The following OTOL1 variants were observed in gnomAD, a reference collection of about 807,000 sequenced individuals.
OTOL1 encodes otolin-1.
OTOL1 carries 31 observed loss-of-function variants against 25.0 expected under a neutral mutation model. That is an observed-to-expected ratio of 1.24 (90% CI 0.93 to 1.67). The LOEUF (loss-of-function observed/expected upper bound fraction) is 1.67. OTOL1 is among the 40% of genes most tolerant of loss of function. The pLI, the probability that OTOL1 is intolerant of heterozygous loss-of-function variation, is 0.00. For missense variants in OTOL1, 654 were observed against 587.7 expected (o/e 1.11, Z -1.17); for synonymous variants, 225 against 210.3 (o/e 1.07, Z -0.61).
chr3:161,498,102 T>C (rs1300837907), intron 1 of OTOL1, among the ~76,000 whole-genome samples: 1 of 152,172 alleles, frequency 6.6e-6, no homozygotes, highest in African/African-American at 2.4e-5. Context: ...GGTACCAAGA[T>C]GTCAGGATTG....
In OTOL1 at chr3:161,503,042, G is replaced by C. The variant is rs1182273144; in HGVS notation, c.534G>C (p.Lys178Asn). The change falls in exon 4 of 4, where the codon AAG becomes AAC. Residue 178 changes from lysine to asparagine, a missense_variant. Lys to Asn is a moderately conservative substitution (Grantham distance 94, BLOSUM62 0). Coordinates refer to ENST00000327928, the MANE Select transcript of OTOL1 (RefSeq NM_001080440.1). ...KPGAQGEPGP[K>N]GDKGNIGLGG... is the part of the protein sequence containing the mutation. ...CCATTTCAGGTGAACCTGGCCCTAA[G>C]GGAGATAAAGGAAACATTGGTTTGG... 4 of 1,355,362 alleles carry C rather than the reference G, an allele frequency of 3.0e-6. No individual in the cohort carries two copies. The highest frequency in any genetic ancestry group is 3.8e-6 in the Non-Finnish European group (4 of 1,048,832). 84.0% of individuals were successfully genotyped at this position (1,355,362 alleles called of 1,614,324 possible).
intron 3 of OTOL1, among the ~76,000 whole-genome samples, chr3:161,502,787 A>G (rs1002846661): frequency 1.5e-4 from 23 of 152,194 alleles, no homozygotes; most frequent in Non-Finnish European, 5.9e-5. Flanking sequence ...AGAATTAGAT[A>G]TATGGCATCT....
chr3:161,503,633 T>A lies in OTOL1; in HGVS notation c.1125T>A (p.Pro375=), dbSNP rs2108230573. The A allele has an allele frequency of 6.2e-7, 1 of 1,613,880 alleles. No individual in the cohort carries two copies. The highest frequency in any genetic ancestry group is 8.5e-7 in the Non-Finnish European group (1 of 1,179,840). The change falls in exon 4 of 4, where the codon CCT becomes CCA. Residue 375 remains proline (P), a synonymous_variant. Coordinates refer to ENST00000327928, the MANE Select transcript of OTOL1 (RefSeq NM_001080440.1). The stretch of plus-strand genomic sequence containing the variant: ...ATAATGACCAAGGGAATTACAGTCC[T>A]GTCACTGGGAAGTTTAACTGCTCTA... ...ILYNDQGNYS[P]VTGKFNCSIP...
At chr3:161,502,804 A>G (rs920811316) in intron 3 of OTOL1, among the ~76,000 whole-genome samples, 2 of 152,208 alleles carry the variant, frequency 1.3e-5, no homozygotes, top group African/African-American at 4.8e-5. Flanking sequence ...ATCTGAATAT[A>G]AGCCACTGTT....
chr3:161,503,195 G>A lies in OTOL1; in HGVS notation c.687G>A (p.Lys229=). Residue 229 remains lysine, a synonymous_variant, in exon 4 of 4, where the codon AAG becomes AAA. Transcript: ENST00000327928. ...LHGGPGAKGE[K]GEMGEKGEMG... ...GAGGGCCTGGCGCCAAGGGAGAGAA[G>A]GGGGAGATGGGGGAGAAGGGGGAGA... The A allele has an allele frequency of 6.9e-7, 1 of 1,455,172 alleles. No homozygotes were observed. 90.1% of individuals were successfully genotyped at this position (1,455,172 alleles called of 1,614,324 possible).
intron 2 of OTOL1, among the ~76,000 whole-genome samples, chr3:161,499,606 C>T (rs1404099343): frequency 6.6e-6 from 1 of 152,010 alleles, no homozygotes; most frequent in African/African-American, 2.4e-5. Flanking sequence ...CTCATGTTAG[C>T]CTACTTCCTT....
intron 2 of OTOL1, 150 bp downstream of exon 2, chr3:161,499,410 G>T (rs1718917421): frequency 1.5e-6 from 1 of 665,396 alleles, no homozygotes; most frequent in East Asian, 2.8e-5. Flanking sequence ...ATATAAATAT[G>T]TTAACTTTAT....
intron 2 of OTOL1, among the ~76,000 whole-genome samples, chr3:161,501,335 ATAT>A (rs1204148255): frequency 5.9e-5 from 9 of 152,280 alleles, no homozygotes; most frequent in Non-Finnish European, 1.3e-4. Flanking sequence ...TAAGAGTGAG[ATAT>A]TATTAATACC....
intron 2 of OTOL1, 42 bp downstream of exon 2, chr3:161,499,302 A>G (rs1718915320): frequency 6.8e-7 from 1 of 1,468,402 alleles, no homozygotes; most frequent in East Asian, 2.3e-5. Flanking sequence ...GACATTCTGC[A>G]TCATTTTTCA....
Position 161,503,078 on chromosome 3 carries a change from A to G in OTOL1, c.570A>G (p.Lys190=). Residue 190 remains lysine, a synonymous_variant, in exon 4 of 4, where the codon AAA becomes AAG. Transcript: ENST00000327928. ...GAAACATTGGTTTGGGAGGAGTGAAAGGACAAAAAGGCTCCAAGGGAGACA... is the reference window on the plus strand; with the variant it reads ...GAAACATTGGTTTGGGAGGAGTGAAGGGACAAAAAGGCTCCAAGGGAGACA... ...DKGNIGLGGV[K]GQKGSKGDTC... 1.4e-6 allele frequency: 2 copies of G among 1,389,130 alleles called. No homozygotes were observed. Among genetic ancestry groups the G allele is most frequent in the Non-Finnish European group, 1.9e-6 (2 of 1,068,032 alleles). The allele number at this position is 1,389,130 out of a possible 1,614,324, so 86.1% of individuals were successfully genotyped here.
chr3:161,498,116 A>T (rs1718880439), intron 1 of OTOL1, among the ~76,000 whole-genome samples: 1 of 152,172 alleles, frequency 6.6e-6, no homozygotes, highest in Admixed American at 6.6e-5. Context: ...AGGATTGCTA[A>T]AACATTACTG....
Position 161,503,536 on chromosome 3 carries a change from C to G in OTOL1, c.1028C>G (p.Ser343Trp). Residue 343 changes from serine to tryptophan, a missense_variant, in exon 4 of 4, where the codon TCG (serine) becomes TGG (tryptophan). Transcript: ENST00000327928. ...SKGELARVPR[S>W]AFSAGLSKPF... Reference sequence around the variant, plus strand: ...GGTGAGTTGGCTAGAGTGCCCCGGTCGGCTTTCAGCGCTGGTTTGTCAAAG... The same window carrying G: ...GGTGAGTTGGCTAGAGTGCCCCGGTGGGCTTTCAGCGCTGGTTTGTCAAAG... 1 of 1,613,734 alleles carries G rather than the reference C, an allele frequency of 6.2e-7. No individual in the cohort carries two copies. Among genetic ancestry groups the G allele is most frequent in the Admixed American group, 1.7e-5 (1 of 59,988 alleles).
In OTOL1 at chr3:161,503,486, C is replaced by G. The variant is rs1333318873; in HGVS notation, c.978C>G (p.Gly326=). Residue 326 remains glycine (G), a synonymous_variant, in exon 4 of 4, where the codon GGC becomes GGG. Coordinates refer to ENST00000327928, the MANE Select transcript of OTOL1 (RefSeq NM_001080440.1). ...KGVRGPTGKK[G]SRGFKGSKGE... is the part of the protein sequence containing the mutation. Reference sequence around the variant, plus strand: ...TCCGAGGCCCCACTGGGAAGAAGGGCTCTCGGGGCTTTAAAGGCTCCAAGG... The same window carrying G: ...TCCGAGGCCCCACTGGGAAGAAGGGGTCTCGGGGCTTTAAAGGCTCCAAGG... 1 of 1,613,518 alleles carries G rather than the reference C, an allele frequency of 6.2e-7. No homozygotes were observed. The highest frequency in any genetic ancestry group is 2.2e-5 in the East Asian group (1 of 44,780).
Position 161,497,105 on chromosome 3 carries a change from A to T in OTOL1, c.298A>T (p.Asn100Tyr). ...FTLDPADFFL[N>Y]CCDCCSPVPG... is the part of the protein sequence containing the mutation. ...TCTTGACCCAGCTGATTTCTTTTTGAATTGTTGTGATTGTTGTTCACCTGT... is the reference window on the plus strand; with the variant it reads ...TCTTGACCCAGCTGATTTCTTTTTGTATTGTTGTGATTGTTGTTCACCTGT... The change falls in exon 1 of 4, where the codon AAT (asparagine) becomes TAT (tyrosine). Residue 100 changes from asparagine (N) to tyrosine (Y), a missense_variant. Physicochemically the swap from Asn to Tyr is moderately radical, Grantham distance 143 (BLOSUM62 -2). Transcript: ENST00000327928. 33 of 1,613,484 alleles carry T rather than the reference A, an allele frequency of 2.0e-5. No homozygotes were observed. Among genetic ancestry groups the T allele is most frequent in the Non-Finnish European group, 2.7e-5 (32 of 1,179,588 alleles).
intron 1 of OTOL1, among the ~76,000 whole-genome samples, chr3:161,497,902 G>A (rs1660890955): frequency 6.6e-6 from 1 of 152,202 alleles, no homozygotes; most frequent in African/African-American, 2.4e-5. Flanking sequence ...AGAATTCAAG[G>A]TAAAGTTAAG....
Position 161,503,055 on chromosome 3 carries a change from A to C in OTOL1, c.547A>C (p.Asn183His), listed in dbSNP as rs755413046. 93 of 1,365,038 alleles carry C rather than the reference A, an allele frequency of 6.8e-5. No individual in the cohort carries two copies. Among genetic ancestry groups the C allele is most frequent in the Non-Finnish European group, 8.3e-5 (88 of 1,054,406 alleles). The allele number at this position is 1,365,038 out of a possible 1,614,324, so 84.6% of individuals were successfully genotyped here. ...ACCTGGCCCTAAGGGAGATAAAGGA[A>C]ACATTGGTTTGGGAGGAGTGAAAGG... ...GEPGPKGDKG[N>H]IGLGGVKGQK... The change falls in exon 4 of 4, where the codon AAC (asparagine) becomes CAC (histidine). Residue 183 changes from asparagine to histidine, a missense_variant. By Grantham distance (68) the Asn-to-His change is moderately conservative. Transcript: ENST00000327928.
chr3:161,502,946 A>T, intron 3 of OTOL1, 80 bp from the exon 4 acceptor site: 2 of 1,121,432 alleles, frequency 1.8e-6, no homozygotes, highest in Non-Finnish European at 2.3e-6. Context: ...GTTTGTTTCT[A>T]CTTTTTTGAG....
intron 1 of OTOL1, 60 bp downstream of exon 1, chr3:161,497,231 G>C (rs1189855944): frequency 8.4e-5 from 128 of 1,531,512 alleles, no homozygotes; most frequent in Admixed American, 1.5e-4. Context: ...TTGAGAGGTA[G>C]GTTGTCGGGT....
At position 161,502,294 on chromosome 3, in the gene OTOL1, G is replaced by C; in HGVS notation, c.455-13G>C. On this transcript the variant is annotated splice_polypyrimidine_tract_variant and intron_variant, in intron 2 of 3. Coordinates refer to ENST00000327928, the MANE Select transcript of OTOL1 (RefSeq NM_001080440.1). ...ATGTAGTTGGTAAAAAGTTAATCTTGGTATCATCTTAGGACTCAAAGGAGA... is the reference window on the plus strand; with the variant it reads ...ATGTAGTTGGTAAAAAGTTAATCTTCGTATCATCTTAGGACTCAAAGGAGA... The C allele has an allele frequency of 6.2e-7, 1 of 1,607,750 alleles. No individual in the cohort carries two copies. Among genetic ancestry groups the C allele is most frequent in the Non-Finnish European group, 8.5e-7 (1 of 1,175,266 alleles).
Sources: allele counts gnomAD v4.1 joint callset (sites outside exome capture counted in the v4.1 genomes callset), GRCh38; gene constraint gnomAD v4.1.1; transcripts MANE v1.5; gene names NCBI Gene and HGNC (gene_info 2026-07-23, HGNC 2026-07-21).